Variants in PCDH9 observed in about 807,000 individuals in gnomAD.
PCDH9 encodes the protein protocadherin-9.
PCDH9 carries 24 observed loss-of-function variants against 70.6 expected under a neutral mutation model. That is an observed-to-expected ratio of 0.34 (90% CI 0.25 to 0.48). The LOEUF (loss-of-function observed/expected upper bound fraction) is 0.48. Ranked by LOEUF, PCDH9 falls within the 20% of genes least tolerant of loss-of-function variation. The pLI, the probability that PCDH9 is intolerant of heterozygous loss-of-function variation, is 0.99. For missense variants in PCDH9, 1,281 were observed against 1,503.6 expected, an observed-to-expected ratio of 0.85 and a Z score of 2.45; for synonymous variants, 562 against 558.5, an observed-to-expected ratio of 1.01 and a Z score of -0.09.
intron 3 of PCDH9, among the ~76,000 whole-genome samples, chr13:66,706,061 CTA>C (rs2078707312): frequency 6.6e-6 from 1 of 152,114 alleles, no homozygotes; most frequent in Non-Finnish European, 1.5e-5. Context: ...ACAGCTAACA[CTA>C]TGTAAATGAG....
At chr13:66,739,456 A>G (rs1718587391) in intron 3 of PCDH9, among the ~76,000 whole-genome samples, 1 of 150,546 alleles carries the variant, frequency 6.6e-6, no homozygotes, top group Non-Finnish European at 1.5e-5. Flanking sequence ...TCACCAGCTA[A>G]CATCATAATG....
At position 67,224,994 on chromosome 13, in the gene PCDH9, A is replaced by G. The variant is rs564761966; in HGVS notation, c.3036+411T>C. On this transcript the variant is annotated intron_variant, in intron 2 of 4. Transcript: ENST00000377865. ...ACATAATTGCAGTCACACCTTCAAA[A>G]GTCATTGAAAACTTGAGATTTGAAG... 4.0e-5 allele frequency: 41 copies of G among 1,029,252 alleles called. 2 individuals are homozygous for G. In the South Asian group the frequency reaches 1.4e-3, roughly 35 times the overall value. The allele number at this position is 1,029,252 out of a possible 1,614,324, so 63.8% of individuals were successfully genotyped here. A position where few individuals can be genotyped will look rare whatever the true frequency, so the allele number is the denominator to read the frequency against.
intron 3 of PCDH9, among the ~76,000 whole-genome samples, chr13:66,699,066 C>A (rs896711691): frequency 6.6e-6 from 1 of 151,802 alleles, no homozygotes; most frequent in African/African-American, 2.4e-5. Context: ...AGGCACCCAC[C>A]ATCATGTCCG....
chr13:66,926,740 C>T (rs930180591), intron 2 of PCDH9, among the ~76,000 whole-genome samples: 31 of 152,032 alleles, frequency 2.0e-4, no homozygotes, highest in Non-Finnish European at 8.8e-5. Context: ...ATTCCACAAG[C>T]GTTTTTCATG....
chr13:66,337,425 G>A (rs941007432), intron 4 of PCDH9, among the ~76,000 whole-genome samples: 4 of 152,032 alleles, frequency 2.6e-5, no homozygotes, highest in African/African-American at 9.7e-5. Context: ...CATTCTGGAA[G>A]GCCCTTGGTG....
intron 3 of PCDH9, among the ~76,000 whole-genome samples, chr13:66,741,848 C>T (rs2139202474): frequency 1.6e-5 from 2 of 127,962 alleles, no homozygotes; most frequent in South Asian, 6.0e-4. Flanking sequence ...AAAGAGGATA[C>T]AAACAAATGG....
chr13:66,571,114 T>A (rs888880492), intron 4 of PCDH9, among the ~76,000 whole-genome samples: 3 of 152,092 alleles, frequency 2.0e-5, no homozygotes, highest in South Asian at 2.1e-4. Flanking sequence ...TGTTGCTTTG[T>A]CAAAATATAT....
intron 4 of PCDH9, among the ~76,000 whole-genome samples, chr13:66,392,743 TA>T (rs796728824): frequency 5.3e-5 from 8 of 152,018 alleles, no homozygotes; most frequent in African/African-American, 1.4e-4. Flanking sequence ...TTACACTGCA[TA>T]AAAAAAATGC....
chr13:67,127,676 ATGTG>A lies in PCDH9; in HGVS notation c.3036+97725_3036+97728del, dbSNP rs142545550. Among the ~76,000 whole-genome samples the A allele has an allele frequency of 2.1e-4, 30 of 145,576 alleles. No homozygotes were observed. The East Asian group carries it at 4.5e-3, about 22-fold the overall frequency. ...AGACTTTTTTATCATATATATATAT[ATGTG>A]TGTGTGTGTGTGTGTGTGTGTATGT... On this transcript the variant is annotated intron_variant, in intron 2 of 4. Transcript: ENST00000377865.
At chr13:66,568,819 G>T (rs1392977515) in intron 4 of PCDH9, among the ~76,000 whole-genome samples, 3 of 151,662 alleles carry the variant, frequency 2.0e-5, no homozygotes, top group African/African-American at 7.3e-5. Flanking sequence ...AGAAAAAAGA[G>T]ATATAATTTG....
At chr13:66,897,798 A>G (rs1242833744) in intron 3 of PCDH9, among the ~76,000 whole-genome samples, 1 of 152,096 alleles carries the variant, frequency 6.6e-6, no homozygotes, top group Non-Finnish European at 1.5e-5. Flanking sequence ...ATTTATCTCT[A>G]TATAACACAC....
intron 3 of PCDH9, among the ~76,000 whole-genome samples, chr13:66,847,235 A>T (rs889871619): frequency 6.6e-6 from 1 of 152,206 alleles, no homozygotes; most frequent in Non-Finnish European, 1.5e-5. Flanking sequence ...AATTGATTCC[A>T]TAATAGGTTG....
At chr13:66,558,245 A>G (rs1241642240) in intron 4 of PCDH9, among the ~76,000 whole-genome samples, 1 of 152,218 alleles carries the variant, frequency 6.6e-6, no homozygotes, top group Non-Finnish European at 1.5e-5. Flanking sequence ...GCATTAGTAC[A>G]TTGAAAGAAA....
chr13:66,824,679 T>C (rs1471233462), intron 3 of PCDH9, among the ~76,000 whole-genome samples: 1 of 54,618 alleles, frequency 1.8e-5, no homozygotes, highest in Non-Finnish European at 5.0e-5. Flanking sequence ...TATATATATA[T>C]ATATATATAT....
intron 3 of PCDH9, among the ~76,000 whole-genome samples, chr13:66,708,403 G>GTGGTT (rs1555324397): frequency 6.6e-5 from 9 of 136,994 alleles, no homozygotes; most frequent in African/African-American, 2.4e-4. Context: ...TTGAGATTTA[G>GTGGTT]TTTTTTTTTT....
At chr13:67,228,977 G>A (rs772984483) in intron 1 of PCDH9, among the ~76,000 whole-genome samples, 1 of 152,164 alleles carries the variant, frequency 6.6e-6, no homozygotes, top group Non-Finnish European at 1.5e-5. Context: ...CCTGCTAATT[G>A]CTTTGTCACA....
intron 4 of PCDH9, among the ~76,000 whole-genome samples, chr13:66,499,291 A>ATT (rs200844069): frequency 7.2e-5 from 11 of 152,058 alleles, no homozygotes; most frequent in African/African-American, 2.7e-4. Context: ...TTTAAAGCAG[A>ATT]TTTTTTTTAT....
chr13:66,696,384 T>G (rs1391775846), intron 3 of PCDH9, among the ~76,000 whole-genome samples: 6 of 152,198 alleles, frequency 3.9e-5, no homozygotes, highest in Non-Finnish European at 7.4e-5. Flanking sequence ...TTAATCTGTG[T>G]TTTTTTATTT....
chr13:66,752,042 G>A (rs528412834), intron 3 of PCDH9, among the ~76,000 whole-genome samples: 30 of 152,284 alleles, frequency 2.0e-4, no homozygotes, highest in South Asian at 8.3e-4. Context: ...CAGAGGGTAT[G>A]AGCTAACACC....
Sources: gnomAD v4.1 joint callset for allele counts (sites outside exome capture counted in the v4.1 genomes callset) on GRCh38, gnomAD v4.1.1 for gene constraint, MANE v1.5 for transcripts, NCBI Gene and HGNC (gene_info 2026-07-23, HGNC 2026-07-21) for gene names.